The following KCNMB1 variants were observed in gnomAD, a reference collection of about 807,000 sequenced individuals.
The protein encoded by KCNMB1 is calcium-activated potassium channel subunit beta-1.
Under a neutral mutation model 21.7 loss-of-function variants are expected in KCNMB1, and 22 were observed. The observed-to-expected ratio is 1.01, with a 90% CI of 0.72 to 1.45. The LOEUF is 1.45. Among genes scored for constraint, KCNMB1 ranks in the 40% most tolerant of loss-of-function variants. KCNMB1 has a pLI of 0.00. For synonymous variants in KCNMB1, 114 were observed against 107.6 expected (o/e 1.06, Z -0.37); for missense variants, 243 against 243.4 (o/e 1.00, Z 0.01).
chr5:170,379,366 T>A (rs987089863), intron 3 of KCNMB1, among the ~76,000 whole-genome samples: 2 of 152,134 alleles, frequency 1.3e-5, no homozygotes, highest in Non-Finnish European at 2.9e-5. Context: ...CACAGAGCTA[T>A]CTAAGGAAAC....
chr5:170,387,333 C>A (rs982476111), intron 1 of KCNMB1, among the ~76,000 whole-genome samples: 1 of 152,150 alleles, frequency 6.6e-6, no homozygotes, highest in African/African-American at 2.4e-5. Context: ...AGATTTTCTG[C>A]AAAGTGCTCT....
At position 170,377,480 on chromosome 5, in the gene KCNMB1, G is replaced by T. The variant is rs1197189433; in HGVS notation, c.*1224C>A. 1 of 152,174 alleles carries T rather than the reference G, an allele frequency of 6.6e-6. No individual in the cohort carries two copies. The highest frequency in any genetic ancestry group is 1.9e-4 in the East Asian group (1 of 5,196). The allele number at this position is 152,174 out of a possible 1,614,324, so 9.4% of individuals were successfully genotyped here. A position where few individuals can be genotyped will look rare whatever the true frequency, so the allele number is the denominator to read the frequency against. Reference sequence around the variant, plus strand: ...TTCAAATCTGAGATAGGCTTCCCCAGCAGGCTCAGTGCCAGAGTCCATACC... The same window carrying T: ...TTCAAATCTGAGATAGGCTTCCCCATCAGGCTCAGTGCCAGAGTCCATACC... On this transcript the variant is annotated 3_prime_UTR_variant, in exon 4 of 4. Transcript: ENST00000274629.
chr5:170,384,405 G>T (rs950910), intron 2 of KCNMB1, among the ~76,000 whole-genome samples: 56,486 of 152,118 alleles, frequency 0.37, 10,619 homozygotes, highest in Admixed American at 0.41. Flanking sequence ...AGGGGTTTGA[G>T]TTGAGCCAGG....
At chr5:170,380,716 T>C (rs955716862) in intron 3 of KCNMB1, among the ~76,000 whole-genome samples, 1 of 152,074 alleles carries the variant, frequency 6.6e-6, no homozygotes, top group Non-Finnish European at 1.5e-5. Flanking sequence ...GAGCTGACGG[T>C]GAGGGGGCCT....
In KCNMB1 at chr5:170,378,448, G is replaced by T. The variant is rs960301528; in HGVS notation, c.*256C>A. ...AACAGGTATGAGTCAGTTGAGTGGG[G>T]ACAGGTAATAGAGAGCTAGAACTGG... On this transcript the variant is annotated 3_prime_UTR_variant, in exon 4 of 4. Transcript: ENST00000274629. 3 of 468,512 alleles carry T rather than the reference G, an allele frequency of 6.4e-6. No individual in the cohort carries two copies. Among genetic ancestry groups the T allele is most frequent in the African/African-American group, 5.9e-5 (3 of 51,030 alleles). The allele number at this position is 468,512 out of a possible 1,614,324, so 29.0% of individuals were successfully genotyped here.
chr5:170,384,819 C>A (rs773433977), intron 2 of KCNMB1, among the ~76,000 whole-genome samples: 3 of 152,370 alleles, frequency 2.0e-5, no homozygotes, highest in Middle Eastern at 3.4e-3. Context: ...GAAGCAGATG[C>A]TGGCTCAATG....
chr5:170,388,532 A>G (rs1207970810), intron 1 of KCNMB1, among the ~76,000 whole-genome samples: 2 of 152,236 alleles, frequency 1.3e-5, no homozygotes, highest in African/African-American at 4.8e-5. Flanking sequence ...TAGAAAGGTC[A>G]CTTGAGATCT....
At chr5:170,384,272 T>C (rs1764376664) in intron 2 of KCNMB1, among the ~76,000 whole-genome samples, 1 of 152,232 alleles carries the variant, frequency 6.6e-6, no homozygotes, top group South Asian at 2.1e-4. Flanking sequence ...CGTCTTCATT[T>C]TGCAGAGGCA....
rs184649386 is a variant in KCNMB1 at position 170,381,517 on chromosome 5, C to G, written c.306+2162G>C. Among the ~76,000 whole-genome samples, 164 of 152,332 alleles carry G rather than the reference C, an allele frequency of 1.1e-3. 2 individuals carry two copies. The highest frequency in any genetic ancestry group is 1.6e-3 in the Non-Finnish European group (106 of 68,030). On this transcript the variant is annotated intron_variant, in intron 3 of 3. Coordinates refer to ENST00000274629, the MANE Select transcript of KCNMB1 (RefSeq NM_004137.4). ...CAGCCACTTGAACCCCTATGATGGA[C>G]ATAGGCGGAAGGAGCAGCTAGCCCA...
At chr5:170,381,626 G>T (rs1376393737) in intron 3 of KCNMB1, among the ~76,000 whole-genome samples, 3 of 152,178 alleles carry the variant, frequency 2.0e-5, no homozygotes, top group African/African-American at 7.2e-5. Context: ...CACCACACCT[G>T]GTCAAGCCTG....
At chr5:170,384,849 C>G (rs1764400483) in intron 2 of KCNMB1, among the ~76,000 whole-genome samples, 1 of 152,248 alleles carries the variant, frequency 6.6e-6, no homozygotes, top group Non-Finnish European at 1.5e-5. Context: ...CAGAAAACCT[C>G]AAACATGAAA....
At chr5:170,383,950 T>A in intron 2 of KCNMB1, 100 bp from the exon 3 acceptor site, 1 of 1,262,844 alleles carries the variant, frequency 7.9e-7, no homozygotes, top group South Asian at 1.4e-5. Context: ...TCTAGAGGGA[T>A]CCAGGACTGG....
chr5:170,385,507 C>T (rs962966451), intron 1 of KCNMB1, 36 bp from the exon 2 acceptor site: 29 of 1,596,118 alleles, frequency 1.8e-5, no homozygotes, highest in Non-Finnish European at 2.3e-5. Flanking sequence ...TGAGATCAGC[C>T]CAGTTCACAG....
chr5:170,386,682 C>T (rs553741112), intron 1 of KCNMB1, among the ~76,000 whole-genome samples: 59 of 150,744 alleles, frequency 3.9e-4, no homozygotes, highest in African/African-American at 1.4e-3. Context: ...TACCATATTC[C>T]GGTGTTTTTT....
chr5:170,378,844 C>T lies in KCNMB1; in HGVS notation c.436G>A (p.Val146Ile), dbSNP rs369035536. Residue 146 changes from valine (V) to isoleucine (I), a missense_variant, in exon 4 of 4, where the codon GTC becomes ATC. Physicochemically the swap from Val to Ile is conservative, Grantham distance 29 (BLOSUM62 3). Transcript: ENST00000274629. ...FSAPRGNETS[V>I]LFQRLYGPQA... is the part of the protein sequence containing the mutation. The stretch of plus-strand genomic sequence containing the variant: ...GGCCCGTAGAGGCGCTGGAATAGGA[C>T]GCTGGTTTCGTTCCCCCGAGGTGCG... The T allele has an allele frequency of 4.3e-5, 70 of 1,614,104 alleles. No homozygotes were observed. The highest frequency in any genetic ancestry group is 2.9e-4 in the African/African-American group (22 of 74,936).
intron 2 of KCNMB1, among the ~76,000 whole-genome samples, chr5:170,384,700 T>C (rs962233165): frequency 6.6e-6 from 1 of 152,208 alleles, no homozygotes; most frequent in Non-Finnish European, 1.5e-5. Flanking sequence ...TTGTTCCAAA[T>C]AGAACACGAA....
rs1763970112 is a variant in KCNMB1, at chr5:170,375,641, C to A, written c.*3063G>T. On this transcript the variant is annotated 3_prime_UTR_variant, in exon 4 of 4. Coordinates refer to ENST00000274629, the MANE Select transcript of KCNMB1 (RefSeq NM_004137.4). Reference sequence around the variant, plus strand: ...CCTCAGCCCTTCACAGCTGGCTCTGCTGAGTTCTGTGGTTGAGATGCCAGG... The same window carrying A: ...CCTCAGCCCTTCACAGCTGGCTCTGATGAGTTCTGTGGTTGAGATGCCAGG... The A allele has an allele frequency of 1.3e-5, 2 of 152,972 alleles. No individual in the cohort carries two copies. The highest frequency in any genetic ancestry group is 6.6e-5 in the Admixed American group (1 of 15,266). The allele number at this position is 152,972 out of a possible 1,614,324, so 9.5% of individuals were successfully genotyped here.
Position 170,378,603 on chromosome 5 carries a change from A to G in KCNMB1, c.*101T>C. 8.2e-7 allele frequency: 1 copy of G among 1,214,014 alleles called. No homozygotes were observed. The highest frequency in any genetic ancestry group is 2.3e-5 in the East Asian group (1 of 42,758). The allele number at this position is 1,214,014 out of a possible 1,614,324, so 75.2% of individuals were successfully genotyped here. A position where few individuals can be genotyped will look rare whatever the true frequency, so the allele number is the denominator to read the frequency against. ...GCGTGGATTGGACTGGAAGAGTGGG[A>G]GGGCAGGTGGAGAAGGCATTGTGCT... On this transcript the variant is annotated 3_prime_UTR_variant, in exon 4 of 4. Transcript: ENST00000274629.
At chr5:170,384,884 TC>T (rs980381241) in intron 2 of KCNMB1, among the ~76,000 whole-genome samples, 10 of 152,252 alleles carry the variant, frequency 6.6e-5, no homozygotes, top group African/African-American at 2.2e-4. Context: ...GGCAAGGAGC[TC>T]CCCGTCTCTT....
Sources: allele counts gnomAD v4.1 joint callset (sites outside exome capture counted in the v4.1 genomes callset), GRCh38; gene constraint gnomAD v4.1.1; transcripts MANE v1.5; gene names NCBI Gene and HGNC (gene_info 2026-07-23, HGNC 2026-07-21).